Variants in DENND4C observed in about 807,000 individuals in gnomAD.
DENND4C encodes the protein DENN domain containing 4C, also known as DENN domain-containing protein 4C.
DENND4C carries 108 observed loss-of-function variants against 203.0 expected under a neutral mutation model. The observed-to-expected ratio is 0.53, with a 90% confidence interval of 0.46 to 0.62. The LOEUF is 0.62. Ranked by LOEUF, DENND4C falls within the 20% of genes least tolerant of loss-of-function variation. The probability of loss-of-function intolerance (pLI) is 0.00; values close to 1 mark genes in which losing one functional copy is unlikely to be tolerated. For missense variants in DENND4C, 2,481 were observed against 2,301.2 expected (o/e 1.08, Z -1.60); for synonymous variants, 871 against 792.4 (o/e 1.10, Z -1.67).
intron 12 of DENND4C, among the ~76,000 whole-genome samples, chr9:19,317,496 A>C (rs1842054961): frequency 6.6e-6 from 1 of 152,222 alleles, no homozygotes; most frequent in African/African-American, 2.4e-5. Context: ...TTATATATGT[A>C]GTAGCAATCT....
In DENND4C at chr9:19,336,813, T is replaced by C; in HGVS notation, c.2862T>C (p.Ile954=). 1 of 1,550,612 alleles carries C rather than the reference T, an allele frequency of 6.4e-7. No individual in the cohort carries two copies. Among genetic ancestry groups the C allele is most frequent in the Non-Finnish European group, 8.7e-7 (1 of 1,146,940 alleles). The change falls in exon 20 of 33, where the codon ATT becomes ATC. Residue 954 remains isoleucine (I), a synonymous_variant. Transcript: ENST00000434457. ...GAGATTTAATCAGGCTTGAGTCCAT[T>C]GATAATCACTCTAGCACAGGTACTA... ...FVRDLIRLES[I]DNHSSTGGQS...
Position 19,346,562 on chromosome 9 carries a change from A to T in DENND4C, c.3793A>T (p.Thr1265Ser), listed in dbSNP as rs1822928673. The T allele has an allele frequency of 6.2e-7, 1 of 1,613,798 alleles. No homozygotes were observed. The highest frequency in any genetic ancestry group is 2.2e-5 in the East Asian group (1 of 44,858). ...LLATECTGGK[T>S]PDSEDKLFSP... is the part of the protein sequence containing the mutation. ...AGCCACTGAATGTACAGGAGGAAAA[A>T]CTCCTGATTCTGAAGATAAGTTGTT... Residue 1265 changes from threonine to serine, a missense_variant, in exon 23 of 33, where the codon ACT becomes TCT. Thr to Ser is a moderately conservative substitution (Grantham distance 58). Coordinates refer to ENST00000434457, the MANE Select transcript of DENND4C (RefSeq NM_001330640.2).
chr9:19,294,536 A>G (rs1837024647), intron 5 of DENND4C, among the ~76,000 whole-genome samples: 1 of 152,238 alleles, frequency 6.6e-6, no homozygotes, highest in Non-Finnish European at 1.5e-5. Context: ...ATGCCTAGGC[A>G]TATACCTAAA....
intron 17 of DENND4C, among the ~76,000 whole-genome samples, chr9:19,333,030 AT>A (rs1819634414): frequency 6.7e-6 from 1 of 150,226 alleles, no homozygotes. Context: ...TTTTATTTAT[AT>A]TTAAATATAT....
At chr9:19,252,217 T>G (rs940184006) in intron 1 of DENND4C, among the ~76,000 whole-genome samples, 1 of 152,152 alleles carries the variant, frequency 6.6e-6, no homozygotes, top group Admixed American at 6.6e-5. Flanking sequence ...AATAGAGAGC[T>G]GGTGCAGGGA....
chr9:19,315,867 G>A (rs1044613517), intron 10 of DENND4C, among the ~76,000 whole-genome samples: 18 of 151,758 alleles, frequency 1.2e-4, no homozygotes, highest in Admixed American at 5.3e-4. Flanking sequence ...CACCACACCC[G>A]GCTAATTTTT....
At chr9:19,279,747 TGAGGTGG>T (rs1176012350) in intron 2 of DENND4C, among the ~76,000 whole-genome samples, 5 of 151,576 alleles carry the variant, frequency 3.3e-5, no homozygotes, top group Non-Finnish European at 7.4e-5. Context: ...CTCAGAAGGC[TGAGGTGG>T]GAGGATCACT....
At chr9:19,288,840 T>C (rs1218342614) in intron 4 of DENND4C, among the ~76,000 whole-genome samples, 175 bp downstream of exon 4, 3 of 152,208 alleles carry the variant, frequency 2.0e-5, no homozygotes, top group Non-Finnish European at 2.9e-5. Context: ...ATATACAAGA[T>C]ATATTAATAC....
rs1021378341 is a variant in DENND4C, at chr9:19,372,899, TAA to T, written c.*727_*728del. 1 of 150,818 alleles carries T rather than the reference TAA, an allele frequency of 6.6e-6. No individual in the cohort carries two copies. The highest frequency in any genetic ancestry group is 2.4e-5 in the African/African-American group (1 of 40,862). The allele number at this position is 150,818 out of a possible 1,614,324, so 9.3% of individuals were successfully genotyped here. On this transcript the variant is annotated 3_prime_UTR_variant, in exon 33 of 33. Transcript: ENST00000434457. The stretch of plus-strand genomic sequence containing the variant: ...AAAAAAAGAGAGCAACATATTTGTG[TAA>T]GTTTGTATATGTGTAGGGCTGTGTA...
intron 7 of DENND4C, among the ~76,000 whole-genome samples, chr9:19,298,537 G>C (rs117619838): frequency 6.6e-6 from 1 of 152,068 alleles, no homozygotes; most frequent in Admixed American, 6.6e-5. Context: ...TTTATTTTCA[G>C]TAAGTAGCAG....
chr9:19,349,742 A>T (rs1172268663), intron 23 of DENND4C, among the ~76,000 whole-genome samples: 1 of 152,212 alleles, frequency 6.6e-6, no homozygotes. Context: ...GCAACAGGGG[A>T]GTTAGTAAAT....
intron 20 of DENND4C, among the ~76,000 whole-genome samples, chr9:19,340,015 T>C (rs1255250296): frequency 1.6e-4 from 24 of 152,150 alleles, no homozygotes; most frequent in Admixed American, 1.6e-3. Flanking sequence ...TATTCTCCTA[T>C]TATGTTTCTG....
intron 10 of DENND4C, among the ~76,000 whole-genome samples, chr9:19,315,084 T>C (rs143454423): frequency 0.037 from 5,413 of 144,490 alleles, 332 homozygotes; most frequent in African/African-American, 0.13. Context: ...CGCTTGAACC[T>C]GGAATGCGGA....
chr9:19,315,619 ATATATTT>A (rs891976524), intron 10 of DENND4C, among the ~76,000 whole-genome samples: 7 of 150,084 alleles, frequency 4.7e-5, no homozygotes, highest in Admixed American at 2.6e-4. Flanking sequence ...ACACACACAC[ATATATTT>A]TATATTTTCG....
chr9:19,329,255 G>A (rs1331267720), intron 16 of DENND4C, among the ~76,000 whole-genome samples: 3 of 152,068 alleles, frequency 2.0e-5, no homozygotes, highest in African/African-American at 7.2e-5. Flanking sequence ...GCAACCACAA[G>A]TCTGTTTTCT....
intron 1 of DENND4C, among the ~76,000 whole-genome samples, chr9:19,272,831 G>T (rs998999773): frequency 4.0e-5 from 6 of 151,842 alleles, no homozygotes; most frequent in Non-Finnish European, 7.4e-5. Context: ...ACAGTGGCGT[G>T]ATCTTGGCTC....
At chr9:19,367,964 T>G (rs188778310) in intron 30 of DENND4C, among the ~76,000 whole-genome samples, 194 of 152,248 alleles carry the variant, frequency 1.3e-3, no homozygotes, top group Non-Finnish European at 2.3e-3. Context: ...AGAAAGTAGA[T>G]TAGTGGTTGC....
chr9:19,352,170 T>C lies in DENND4C; in HGVS notation c.4593T>C (p.Asn1531=). 6.2e-7 allele frequency: 1 copy of C among 1,613,688 alleles called. No homozygotes were observed. Among genetic ancestry groups the C allele is most frequent in the Non-Finnish European group, 8.5e-7 (1 of 1,179,734 alleles). ...QNTSMSSIYQ[N]CAMEVLMSSC... ...CCAGCATGTCTAGCATCTATCAGAATTGTGCAATGGAGGTAAAAGTTCTAT... is the reference window on the plus strand; with the variant it reads ...CCAGCATGTCTAGCATCTATCAGAACTGTGCAATGGAGGTAAAAGTTCTAT... Residue 1531 remains asparagine (N), a synonymous_variant, in exon 25 of 33, where the codon AAT becomes AAC. Coordinates refer to ENST00000434457, the MANE Select transcript of DENND4C (RefSeq NM_001330640.2).
intron 1 of DENND4C, among the ~76,000 whole-genome samples, chr9:19,252,546 T>C (rs1484045697): frequency 1.3e-5 from 2 of 152,200 alleles, no homozygotes; most frequent in Non-Finnish European, 2.9e-5. Context: ...GGCACCACTC[T>C]ACTCTAGCCT....
Sources: gnomAD v4.1 joint callset for allele counts (sites outside exome capture counted in the v4.1 genomes callset) on GRCh38, gnomAD v4.1.1 for gene constraint, MANE v1.5 for transcripts, NCBI Gene and HGNC (gene_info 2026-07-23, HGNC 2026-07-21) for gene names.